LRRTM4: variants seen among roughly 807,000 people sequenced by gnomAD.
The protein encoded by LRRTM4 is leucine rich repeat transmembrane neuronal 4.
Under a neutral mutation model 47.6 loss-of-function variants are expected in LRRTM4, and 25 were observed. The ratio of observed to expected loss-of-function variants is 0.53; its 90% CI spans 0.38 to 0.73. The LOEUF is 0.73. Among genes scored for constraint, LRRTM4 ranks in the 30% least tolerant of loss-of-function variants. The probability of loss-of-function intolerance (pLI) is 0.00; values close to 1 mark genes in which losing one functional copy is unlikely to be tolerated. For missense variants in LRRTM4, 638 were observed against 713.4 expected (o/e 0.89, Z 1.20); for synonymous variants, 311 against 269.5 (o/e 1.15, Z -1.51).
intron 3 of LRRTM4, among the ~76,000 whole-genome samples, chr2:76,847,827 A>G (rs554000093): frequency 1.2e-4 from 18 of 152,274 alleles, no homozygotes; most frequent in Non-Finnish European, 1.5e-4. Flanking sequence ...AAATTTTATA[A>G]ACATTTAAAT....
intron 3 of LRRTM4, among the ~76,000 whole-genome samples, chr2:77,266,767 C>A (rs6729064): frequency 0.13 from 19,531 of 152,112 alleles, 4,199 homozygotes; most frequent in African/African-American, 0.44. Context: ...GGGCTTCAGA[C>A]TGCAGGACTT....
intron 3 of LRRTM4, among the ~76,000 whole-genome samples, chr2:77,053,379 A>G (rs2103778941): frequency 6.6e-6 from 1 of 152,324 alleles, no homozygotes; most frequent in South Asian, 2.1e-4. Flanking sequence ...TTAAGGTTCA[A>G]TATGAAGCAT....
chr2:77,519,093 T>C lies in LRRTM4; in HGVS notation c.776A>G (p.Asp259Gly). 1 of 1,612,908 alleles carries C rather than the reference T, an allele frequency of 6.2e-7. No homozygotes were observed. Among genetic ancestry groups the C allele is most frequent in the South Asian group, 1.1e-5 (1 of 91,034 alleles). Residue 259 changes from aspartate (D) to glycine (G), a missense_variant, in exon 3 of 4, where the codon GAT (aspartate) becomes GGT (glycine). Asp to Gly is a moderately conservative substitution (Grantham distance 94, BLOSUM62 -1). Coordinates refer to ENST00000409884, the MANE Select transcript of LRRTM4 (RefSeq NM_001134745.3). The surrounding 1 kb of genome is among the most constrained non-coding windows in gnomAD (Gnocchi z 4.6). Reference sequence around the variant, plus strand: ...TCCTTGGATGTCATTCCCTGATAAATCCAAGTTGTGTAAGGAACTCCAAGT... The same window carrying C: ...TCCTTGGATGTCATTCCCTGATAAACCCAAGTTGTGTAAGGAACTCCAAGT... ...TWTWSSLHNL[D>G]LSGNDIQGIE...
At chr2:77,226,540 T>C (rs1203010206) in intron 3 of LRRTM4, among the ~76,000 whole-genome samples, 25 of 8,488 alleles carry the variant, frequency 2.9e-3, no homozygotes, top group Middle Eastern at 0.045. Context: ...ATTATATACA[T>C]ATATATATAT....
chr2:76,818,954 T>C (rs1670978048), intron 3 of LRRTM4, among the ~76,000 whole-genome samples: 1 of 151,802 alleles, frequency 6.6e-6, no homozygotes, highest in African/African-American at 2.4e-5. Context: ...AGTAAAGTTA[T>C]ACTAGTTTTA....
intron 3 of LRRTM4, chr2:77,517,704 AAAAAG>A (rs1289067075): frequency 1.0e-6 from 1 of 984,266 alleles, no homozygotes; most frequent in Middle Eastern, 5.2e-4. Context: ...ACAAAAAAAA[AAAAAG>A]AAAGAAGCCT....
In LRRTM4 at chr2:77,106,448, G is replaced by C. The variant is rs1181715400; in HGVS notation, c.1552-357532C>G. Among the ~76,000 whole-genome samples the C allele has an allele frequency of 2.0e-5, 3 of 152,104 alleles. No individual in the cohort carries two copies. The South Asian group carries it at 6.2e-4, about 32-fold the overall frequency. On this transcript the variant is annotated intron_variant, in intron 3 of 3. Transcript: ENST00000409884. ...TGTCATAAATTTTACCTTCTCTGCT[G>C]TAAGCATTACCTCTGCACTTACTTT...
intron 3 of LRRTM4, among the ~76,000 whole-genome samples, chr2:77,007,165 T>TAC (rs145356845): frequency 0.018 from 2,753 of 150,640 alleles, 89 homozygotes; most frequent in African/African-American, 0.063. Context: ...TATATATATA[T>TAC]ACACACACAC....
chr2:77,351,965 A>G (rs1671798287), intron 3 of LRRTM4, among the ~76,000 whole-genome samples: 1 of 152,098 alleles, frequency 6.6e-6, no homozygotes, highest in South Asian at 2.1e-4. Flanking sequence ...ATTTTGTACA[A>G]CTTTATTAAT....
At chr2:77,103,105 T>G (rs1379694752) in intron 3 of LRRTM4, among the ~76,000 whole-genome samples, 6 of 152,142 alleles carry the variant, frequency 3.9e-5, no homozygotes, top group Admixed American at 3.9e-4. Context: ...GTGCAACAAT[T>G]CTCACAGATA....
At chr2:77,224,521 A>G (rs1674744258) in intron 3 of LRRTM4, among the ~76,000 whole-genome samples, 1 of 152,184 alleles carries the variant, frequency 6.6e-6, no homozygotes, top group South Asian at 2.1e-4. Context: ...CAAGAAGAAA[A>G]ACAAACAACC....
At chr2:77,144,131 G>C (rs1364257439) in intron 3 of LRRTM4, among the ~76,000 whole-genome samples, 2 of 152,146 alleles carry the variant, frequency 1.3e-5, no homozygotes, top group Non-Finnish European at 1.5e-5. Context: ...AAGCTCTGGA[G>C]CTAGAATGCT....
chr2:77,112,231 T>C (rs1671270782), intron 3 of LRRTM4, among the ~76,000 whole-genome samples: 1 of 152,238 alleles, frequency 6.6e-6, no homozygotes, highest in Admixed American at 6.5e-5. Context: ...TTAGTAAATG[T>C]TAACTTGAGT....
chr2:77,020,893 A>G (rs763673089), intron 3 of LRRTM4, among the ~76,000 whole-genome samples: 1 of 152,186 alleles, frequency 6.6e-6, no homozygotes, highest in Non-Finnish European at 1.5e-5. Context: ...AAAATATACC[A>G]AACTATTTTC....
chr2:77,284,191 T>C (rs1246585924), intron 3 of LRRTM4, among the ~76,000 whole-genome samples: 2 of 152,096 alleles, frequency 1.3e-5, no homozygotes, highest in African/African-American at 4.8e-5. Flanking sequence ...CCCAAATATT[T>C]CCTTGGGATG....
rs540126165 is a variant in LRRTM4 at position 77,385,648 on chromosome 2, T to C, written c.1551+132670A>G. Among the ~76,000 whole-genome samples the C allele has an allele frequency of 7.2e-5, 11 of 152,048 alleles. No individual in the cohort carries two copies. In the East Asian group the frequency reaches 1.2e-3, roughly 16 times the overall value. On this transcript the variant is annotated intron_variant, in intron 3 of 3. Transcript: ENST00000409884. The stretch of plus-strand genomic sequence containing the variant: ...TTAGAATTGTATTAATCTCAAATTT[T>C]CACACCTGTTGTAATAAGTAGACTG...
chr2:77,342,242 A>C (rs1383131171), intron 3 of LRRTM4, among the ~76,000 whole-genome samples: 1 of 151,988 alleles, frequency 6.6e-6, no homozygotes, highest in East Asian at 1.9e-4. Flanking sequence ...AGTATACGTC[A>C]GTGGTTTTCA....
chr2:77,324,794 T>A (rs1670697109), intron 3 of LRRTM4, among the ~76,000 whole-genome samples: 1 of 152,098 alleles, frequency 6.6e-6, no homozygotes, highest in Non-Finnish European at 1.5e-5. Context: ...GACTATTTTG[T>A]GAAGAATTGA....
intron 3 of LRRTM4, among the ~76,000 whole-genome samples, chr2:76,964,348 C>T (rs750562608): frequency 6.6e-6 from 1 of 150,982 alleles, no homozygotes; most frequent in Non-Finnish European, 1.5e-5. Flanking sequence ...TTGAATGTAA[C>T]ATGAAATATG....
Sources: allele counts gnomAD v4.1 joint callset (sites outside exome capture counted in the v4.1 genomes callset), GRCh38; gene constraint gnomAD v4.1.1; non-coding constraint Gnocchi (gnomAD v3.1); transcripts MANE v1.5; gene names NCBI Gene and HGNC (gene_info 2026-07-23, HGNC 2026-07-21).